The following PRKD1 variants were observed in gnomAD, a reference collection of about 807,000 sequenced individuals.
PRKD1 encodes serine/threonine-protein kinase D1.
A neutral mutation model predicts 95.9 loss-of-function variants in PRKD1; 63 were observed. The observed-to-expected ratio is 0.66, with a 90% CI of 0.54 to 0.81. PRKD1 has a LOEUF of 0.81. Among genes scored for constraint, PRKD1 ranks in the 30% least tolerant of loss-of-function variants. PRKD1 has a pLI of 0.00. For missense variants in PRKD1, 1,048 were observed against 1,165.3 expected (o/e 0.90, Z 1.47); for synonymous variants, 425 against 423.1 (o/e 1.00, Z -0.05).
At chr14:29,701,703 G>T (rs1222308615) in intron 2 of PRKD1, among the ~76,000 whole-genome samples, 1 of 151,948 alleles carries the variant, frequency 6.6e-6, no homozygotes, top group Non-Finnish European at 1.5e-5. Context: ...TATATATTCA[G>T]TATGCTTCCA....
At chr14:29,918,526 G>A (rs1008411706) in intron 1 of PRKD1, among the ~76,000 whole-genome samples, 4 of 152,102 alleles carry the variant, frequency 2.6e-5, no homozygotes, top group Non-Finnish European at 5.9e-5. Flanking sequence ...AATACTTGCC[G>A]TAACACAAGT....
intron 13 of PRKD1, among the ~76,000 whole-genome samples, chr14:29,604,336 G>T (rs1409349005): frequency 6.6e-6 from 1 of 152,164 alleles, no homozygotes; most frequent in African/African-American, 2.4e-5. Context: ...AGGTAGGAAA[G>T]AGGAGAATTA....
chr14:29,641,490 T>C (rs1168871084), intron 4 of PRKD1, among the ~76,000 whole-genome samples: 3 of 152,150 alleles, frequency 2.0e-5, no homozygotes, highest in Non-Finnish European at 1.5e-5. Flanking sequence ...GGAGACTGTT[T>C]GAGTTGTTTA....
intron 1 of PRKD1, among the ~76,000 whole-genome samples, chr14:29,787,674 G>A (rs1889337310): frequency 6.6e-6 from 1 of 151,898 alleles, no homozygotes; most frequent in African/African-American, 2.4e-5. Context: ...ATTTCTGTTT[G>A]GGTGAAATAT....
intron 1 of PRKD1, among the ~76,000 whole-genome samples, chr14:29,767,998 T>C (rs985752381): frequency 4.6e-5 from 7 of 152,204 alleles, no homozygotes; most frequent in African/African-American, 1.7e-4. Context: ...CAAACAAGTG[T>C]GTCATTTTAA....
intron 2 of PRKD1, among the ~76,000 whole-genome samples, chr14:29,716,513 T>A (rs1303029379): frequency 6.6e-6 from 1 of 152,050 alleles, no homozygotes; most frequent in African/African-American, 2.4e-5. Context: ...AGGATATCAA[T>A]CCTCTTTCCT....
At chr14:29,714,888 C>T (rs1429333728) in intron 2 of PRKD1, among the ~76,000 whole-genome samples, 1 of 152,050 alleles carries the variant, frequency 6.6e-6, no homozygotes, top group Non-Finnish European at 1.5e-5. Flanking sequence ...TGTTCTCACT[C>T]ATAAGTGGGA....
chr14:29,789,379 T>C (rs1347382659), intron 1 of PRKD1, among the ~76,000 whole-genome samples: 2 of 152,216 alleles, frequency 1.3e-5, no homozygotes, highest in Non-Finnish European at 2.9e-5. Context: ...TCCAATTTTA[T>C]GGATGGCTTT....
intron 1 of PRKD1, among the ~76,000 whole-genome samples, chr14:29,851,477 T>G (rs979782984): frequency 6.6e-6 from 1 of 152,026 alleles, no homozygotes; most frequent in Non-Finnish European, 1.5e-5. Context: ...CGTGAAAAAA[T>G]GCTCACCATC....
rs45437894 is a variant in PRKD1 at position 29,713,172 on chromosome 14, T to C, written c.403+12364A>G. ...TATGGAAATAAAGTATTTGTTATGATTTTTCATCACTGCATAGGAAGAAAT... is the reference window on the plus strand; with the variant it reads ...TATGGAAATAAAGTATTTGTTATGACTTTTCATCACTGCATAGGAAGAAAT... On this transcript the variant is annotated intron_variant, in intron 2 of 17. Transcript: ENST00000331968. Among the ~76,000 whole-genome samples, 1,432 of 152,258 alleles carry C rather than the reference T, an allele frequency of 9.4e-3. 31 individuals carry two copies. The highest frequency in any genetic ancestry group is 0.033 in the African/African-American group (1,371 of 41,554).
intron 1 of PRKD1, among the ~76,000 whole-genome samples, chr14:29,789,885 T>C (rs1028710234): frequency 6.6e-6 from 1 of 152,084 alleles, no homozygotes; most frequent in Non-Finnish European, 1.5e-5. Context: ...CCTGATAGTG[T>C]ATGCAGACAC....
At chr14:29,849,748 TA>T (rs574683023) in intron 1 of PRKD1, among the ~76,000 whole-genome samples, 1,584 of 146,456 alleles carry the variant, frequency 0.011, 22 homozygotes, top group African/African-American at 0.034. Context: ...TCTGATAATA[TA>T]AAAAAAAAAC....
chr14:29,659,068 G>A (rs1172750694), intron 4 of PRKD1, among the ~76,000 whole-genome samples: 1 of 152,114 alleles, frequency 6.6e-6, no homozygotes, highest in African/African-American at 2.4e-5. Context: ...ATAGCTTGAT[G>A]AAGTTTTGCA....
At chr14:29,905,005 C>T (rs1385133366) in intron 1 of PRKD1, among the ~76,000 whole-genome samples, 1 of 152,132 alleles carries the variant, frequency 6.6e-6, no homozygotes, top group Non-Finnish European at 1.5e-5. Flanking sequence ...ATCTGCCAAA[C>T]GAATGACACT....
chr14:29,622,682 C>T (rs534499372), intron 13 of PRKD1, among the ~76,000 whole-genome samples: 65 of 152,226 alleles, frequency 4.3e-4, no homozygotes, highest in Admixed American at 1.2e-3. Flanking sequence ...GGATTACAGG[C>T]GTGAGCCATC....
intron 1 of PRKD1, among the ~76,000 whole-genome samples, chr14:29,809,428 A>C (rs796967775): frequency 7.2e-5 from 11 of 152,340 alleles, no homozygotes; most frequent in African/African-American, 2.6e-4. Context: ...TCTTCTTCCG[A>C]TAGAAGGATG....
intron 12 of PRKD1, 23 bp from the exon 13 acceptor site, chr14:29,624,281 A>G (rs1879470537): frequency 6.5e-7 from 1 of 1,534,198 alleles, no homozygotes. Flanking sequence ...AAAGGGAAGC[A>G]TTAGTAAGTT....
chr14:29,717,247 G>C (rs141291789), intron 2 of PRKD1, among the ~76,000 whole-genome samples: 1 of 151,968 alleles, frequency 6.6e-6, no homozygotes, highest in African/African-American at 2.4e-5. Flanking sequence ...AAAATAAATC[G>C]TTCCTATTTC....
At chr14:29,711,188 ATAAT>A (rs1272656441) in intron 2 of PRKD1, among the ~76,000 whole-genome samples, 2 of 152,184 alleles carry the variant, frequency 1.3e-5, no homozygotes, top group Non-Finnish European at 2.9e-5. Context: ...TTGAGGCTAT[ATAAT>A]TAAATATTTT....
Sources: gnomAD v4.1 joint callset for allele counts (sites outside exome capture counted in the v4.1 genomes callset) on GRCh38, gnomAD v4.1.1 for gene constraint, MANE v1.5 for transcripts, NCBI Gene and HGNC (gene_info 2026-07-23, HGNC 2026-07-21) for gene names.